The following TESK2 variants were observed in gnomAD, a reference collection of about 807,000 sequenced individuals.
TESK2 encodes testis associated actin remodelling kinase 2.
TESK2 carries 39 observed loss-of-function variants against 57.1 expected under a neutral mutation model. That is an observed-to-expected ratio of 0.68 (90% confidence interval 0.53 to 0.89). The LOEUF is 0.89. TESK2 is among the 40% of genes least tolerant of loss of function. The pLI is 0.00. For synonymous variants in TESK2, 249 were observed against 267.9 expected, an observed-to-expected ratio of 0.93 and a Z score of 0.69; for missense variants, 646 against 732.1, an observed-to-expected ratio of 0.88 and a Z score of 1.36.
At position 45,352,605 on chromosome 1, in the gene TESK2, C is replaced by G. The variant is rs78426337; in HGVS notation, c.540+2698G>C. Among the ~76,000 whole-genome samples the G allele has an allele frequency of 2.3e-3, 355 of 152,280 alleles. 7 individuals carry two copies. The East Asian group carries it at 0.031, about 13-fold the overall frequency. ...CTCAGAAAACTTGTCGTCTATGTAGCTAAACAATTATAAAATGCTGTGCAC... is the reference window on the plus strand; with the variant it reads ...CTCAGAAAACTTGTCGTCTATGTAGGTAAACAATTATAAAATGCTGTGCAC... On this transcript the variant is annotated intron_variant, in intron 5 of 10. Transcript: ENST00000372086.
intron 3 of TESK2, among the ~76,000 whole-genome samples, chr1:45,401,330 G>A (rs1208932345): frequency 1.3e-5 from 2 of 151,840 alleles, no homozygotes; most frequent in Non-Finnish European, 2.9e-5. Flanking sequence ...TTGGGAGGCG[G>A]AGATTGCAGT....
intron 5 of TESK2, among the ~76,000 whole-genome samples, chr1:45,349,052 T>C (rs1311759914): frequency 6.6e-6 from 1 of 151,790 alleles, no homozygotes; most frequent in Non-Finnish European, 1.5e-5. Context: ...TCCTTCAGAA[T>C]AGCAGAGAGC....
intron 2 of TESK2, among the ~76,000 whole-genome samples, chr1:45,442,272 T>C (rs1209891667): frequency 6.6e-6 from 1 of 152,120 alleles, no homozygotes; most frequent in Non-Finnish European, 1.5e-5. Context: ...TTTTATGGTA[T>C]GTGAATTATT....
intron 4 of TESK2, among the ~76,000 whole-genome samples, chr1:45,363,004 G>C (rs576327625): frequency 6.6e-6 from 1 of 152,232 alleles, no homozygotes; most frequent in East Asian, 1.9e-4. Context: ...GAAGAGTTAG[G>C]ATAACCAAGG....
chr1:45,450,341 G>A (rs772428332), intron 2 of TESK2, among the ~76,000 whole-genome samples: 54 of 152,116 alleles, frequency 3.5e-4, no homozygotes, highest in Non-Finnish European at 4.7e-4. Flanking sequence ...GTGAAATCCC[G>A]TCTCTACTAA....
chr1:45,484,703 G>A (rs900398248), intron 1 of TESK2, among the ~76,000 whole-genome samples: 3 of 151,598 alleles, frequency 2.0e-5, no homozygotes, highest in South Asian at 2.1e-4. Flanking sequence ...CTGCACACCA[G>A]CCTGGGCGAC....
intron 3 of TESK2, among the ~76,000 whole-genome samples, chr1:45,399,847 G>A (rs1649525705): frequency 6.6e-6 from 1 of 152,026 alleles, no homozygotes; most frequent in Non-Finnish European, 1.5e-5. Flanking sequence ...ATTATCCGTT[G>A]GAGTATGGGA....
chr1:45,431,689 C>T (rs1650973488), intron 2 of TESK2, among the ~76,000 whole-genome samples: 2 of 152,040 alleles, frequency 1.3e-5, no homozygotes, highest in South Asian at 2.1e-4. Flanking sequence ...AAAAACCTTG[C>T]TTGAAGGGGT....
At chr1:45,391,116 C>T (rs1649126248) in intron 3 of TESK2, among the ~76,000 whole-genome samples, 1 of 151,570 alleles carries the variant, frequency 6.6e-6, no homozygotes, top group Non-Finnish European at 1.5e-5. Flanking sequence ...TGGGGTTTCA[C>T]TGTGTTAGCC....
intron 1 of TESK2, among the ~76,000 whole-genome samples, chr1:45,470,966 C>T (rs1652738176): frequency 6.6e-6 from 1 of 152,204 alleles, no homozygotes; most frequent in Non-Finnish European, 1.5e-5. Flanking sequence ...AGCACAGAGG[C>T]TCACACCTGT....
At chr1:45,381,612 C>A (rs1648655613) in intron 4 of TESK2, among the ~76,000 whole-genome samples, 1 of 152,146 alleles carries the variant, frequency 6.6e-6, no homozygotes, top group Non-Finnish European at 1.5e-5. Context: ...CATGAGTGAG[C>A]CTGAGATCAG....
intron 7 of TESK2, 97 bp downstream of exon 7, chr1:45,347,512 G>T: frequency 1.7e-6 from 2 of 1,144,010 alleles, no homozygotes; most frequent in Non-Finnish European, 2.5e-6. Context: ...AGCCGAGATC[G>T]TGCCACTGCA....
intron 1 of TESK2, among the ~76,000 whole-genome samples, chr1:45,486,985 G>A (rs1204547119): frequency 6.6e-6 from 1 of 151,574 alleles, no homozygotes; most frequent in East Asian, 2.0e-4. Flanking sequence ...ACCACGCCCA[G>A]CTAATTTTTG....
At chr1:45,412,892 C>T (rs187058292) in intron 3 of TESK2, among the ~76,000 whole-genome samples, 18 of 151,946 alleles carry the variant, frequency 1.2e-4, no homozygotes, top group East Asian at 9.7e-4. Context: ...TGGCGGCATA[C>T]GCCTGCAGTC....
At chr1:45,407,637 C>T (rs929021762) in intron 3 of TESK2, among the ~76,000 whole-genome samples, 4 of 152,080 alleles carry the variant, frequency 2.6e-5, no homozygotes, top group Non-Finnish European at 5.9e-5. Flanking sequence ...CTCACGATAT[C>T]TGATAGTTTT....
chr1:45,434,032 T>C lies in TESK2; in HGVS notation c.223-12186A>G, dbSNP rs150474166. Among the ~76,000 whole-genome samples the C allele has an allele frequency of 5.1e-3, 774 of 152,248 alleles. 4 individuals are homozygous for C. Among genetic ancestry groups the C allele is most frequent in the Non-Finnish European group, 5.9e-3 (400 of 68,022 alleles). On this transcript the variant is annotated intron_variant, in intron 2 of 10. Transcript: ENST00000372086. ...GTTTTTGAGATGGGATCTCACTCTG[T>C]CTCCCAGGCTGGAGTGCAGTGGCAT...
At chr1:45,375,400 T>C (rs922801928) in intron 4 of TESK2, among the ~76,000 whole-genome samples, 2 of 148,046 alleles carry the variant, frequency 1.4e-5, no homozygotes, top group Non-Finnish European at 3.0e-5. Flanking sequence ...CACTTTGATA[T>C]CCACACAGCT....
chr1:45,380,343 C>T (rs1358991723), intron 4 of TESK2, among the ~76,000 whole-genome samples: 1 of 152,204 alleles, frequency 6.6e-6, no homozygotes, highest in Non-Finnish European at 1.5e-5. Flanking sequence ...CCCAGTTCCC[C>T]AATCTTCTAG....
At chr1:45,355,233 T>G in intron 5 of TESK2, 70 bp downstream of exon 5, 2 of 1,544,970 alleles carry the variant, frequency 1.3e-6, no homozygotes, top group Non-Finnish European at 1.8e-6. Context: ...ATGTTAAATC[T>G]AACACAGCTT....
Sources: gnomAD v4.1 joint callset for allele counts (sites outside exome capture counted in the v4.1 genomes callset) on GRCh38, gnomAD v4.1.1 for gene constraint, MANE v1.5 for transcripts, NCBI Gene and HGNC (gene_info 2026-07-23, HGNC 2026-07-21) for gene names.